C8orf90: variants seen among roughly 807,000 people sequenced by gnomAD.
C8orf90 encodes the protein uncharacterized protein C8orf90.
the C8orf90 span, chr8:141,514,725 GCCCAGCAGGTCTGCC>G: frequency 5.7e-6 from 4 of 701,808 alleles, no homozygotes; most frequent in Non-Finnish European, 1.0e-5. Context: ...GGGACCCCCA[GCCCAGCAGGTCTGCC>G]CCCTCCTTCT....
At chr8:141,517,610 T>C in the C8orf90 span, among the ~76,000 whole-genome samples, 1 of 152,154 alleles carries the variant, frequency 6.6e-6, no homozygotes, top group Admixed American at 6.5e-5. Context: ...GGGTCAGCTG[T>C]GTCCAGGCTG....
At chr8:141,517,695 C>T in the C8orf90 span, among the ~76,000 whole-genome samples, 1 of 152,214 alleles carries the variant, frequency 6.6e-6, no homozygotes, top group South Asian at 2.1e-4. Context: ...GCAGCCTCTC[C>T]CCAGGTGGCG....
chr8:141,518,266 G>C, the C8orf90 span: 1 of 632,192 alleles, frequency 1.6e-6, no homozygotes, highest in Non-Finnish European at 2.8e-6. Context: ...CGGCGGGGAC[G>C]CGCAGCTCTG....
At chr8:141,516,433 C>A in the C8orf90 span, among the ~76,000 whole-genome samples, 1 of 152,134 alleles carries the variant, frequency 6.6e-6, no homozygotes, top group Admixed American at 6.6e-5. Flanking sequence ...CATCAATGAC[C>A]TCTGCGCTGG....
the C8orf90 span, chr8:141,518,219 C>G: frequency 1.7e-6 from 1 of 587,388 alleles, no homozygotes; most frequent in Non-Finnish European, 3.0e-6. Flanking sequence ...CCCGCAGGTC[C>G]CGCGGCGCCC....
chr8:141,517,206 G>T, the C8orf90 span, among the ~76,000 whole-genome samples: 1 of 74,466 alleles, frequency 1.3e-5, no homozygotes, highest in African/African-American at 3.6e-5. Context: ...AGGGTGTTGG[G>T]AGAAGGATCT....
At chr8:141,517,354 G>A in the C8orf90 span, among the ~76,000 whole-genome samples, 22 of 152,354 alleles carry the variant, frequency 1.4e-4, no homozygotes, top group African/African-American at 5.3e-4. Flanking sequence ...GAGGTCCCAT[G>A]GCTGCTTTGC....
the C8orf90 span, among the ~76,000 whole-genome samples, chr8:141,517,636 C>T: frequency 6.6e-6 from 1 of 152,316 alleles, no homozygotes; most frequent in African/African-American, 2.4e-5. Context: ...CAGGCTGTTC[C>T]CACAGGCTCC....
the C8orf90 span, among the ~76,000 whole-genome samples, chr8:141,516,757 AGC>A: frequency 6.6e-6 from 1 of 152,164 alleles, no homozygotes; most frequent in Non-Finnish European, 1.5e-5. Flanking sequence ...GATCTTCTCC[AGC>A]CTCTGGGCTC....
the C8orf90 span, chr8:141,518,695 G>A: frequency 3.8e-6 from 2 of 528,110 alleles, no homozygotes; most frequent in Non-Finnish European, 6.7e-6. Flanking sequence ...CCGCTGCCCC[G>A]AGAGCGAACA....
At chr8:141,518,466 C>A in the C8orf90 span, 4 of 654,140 alleles carry the variant, frequency 6.1e-6, no homozygotes, top group Non-Finnish European at 1.1e-5. Context: ...TCCTGCTGCG[C>A]GGCCCCGGAG....
chr8:141,514,687 G>A, the C8orf90 span: 1 of 700,840 alleles, frequency 1.4e-6, no homozygotes, highest in Non-Finnish European at 2.6e-6. Flanking sequence ...CTGTCTCCCG[G>A]GCTGCTGGCA....
the C8orf90 span, chr8:141,518,326 C>G: frequency 1.5e-6 from 1 of 673,844 alleles, no homozygotes; most frequent in Non-Finnish European, 2.7e-6. Context: ...GCTGGGCAAG[C>G]AGGACGACTT....
the C8orf90 span, chr8:141,518,190 G>A: frequency 9.2e-6 from 5 of 545,588 alleles, no homozygotes; most frequent in East Asian, 1.7e-4. Flanking sequence ...GCCCTGCCGG[G>A]CGTTCACTGT....
chr8:141,515,641 G>A, the C8orf90 span, among the ~76,000 whole-genome samples: 2 of 151,874 alleles, frequency 1.3e-5, no homozygotes, highest in Non-Finnish European at 2.9e-5. Context: ...TAGTGAGGTG[G>A]AAGCCCACAG....
At chr8:141,514,804 G>C in the C8orf90 span, 1 of 697,458 alleles carries the variant, frequency 1.4e-6, no homozygotes, top group Non-Finnish European at 2.6e-6. Flanking sequence ...CGGGAAGGGG[G>C]ACGGGGCACC....
chr8:141,516,171 T>C, the C8orf90 span, among the ~76,000 whole-genome samples: 1 of 151,966 alleles, frequency 6.6e-6, no homozygotes, highest in Admixed American at 6.6e-5. Context: ...TCACCCTCTT[T>C]CTCCTGCATC....
the C8orf90 span, chr8:141,518,485 C>T: frequency 3.1e-6 from 2 of 637,642 alleles, no homozygotes; most frequent in Non-Finnish European, 5.6e-6. Flanking sequence ...AGCTTCGCCC[C>T]CAGCGCTGCT....
chr8:141,516,561 T>C, the C8orf90 span, among the ~76,000 whole-genome samples: 3 of 152,186 alleles, frequency 2.0e-5, no homozygotes, highest in Non-Finnish European at 2.9e-5. Flanking sequence ...GTGCCCTCAC[T>C]GGCTCCTCAT....
Sources: allele counts gnomAD v4.1 joint callset (sites outside exome capture counted in the v4.1 genomes callset), GRCh38; gene constraint gnomAD v4.1.1; transcripts MANE v1.5; gene names NCBI Gene and HGNC (gene_info 2026-07-23, HGNC 2026-07-21).